The following CSGALNACT1 variants were observed in gnomAD, a reference collection of about 807,000 sequenced individuals.
The protein encoded by CSGALNACT1 is chondroitin sulfate N-acetylgalactosaminyltransferase 1, also known as beta4GalNAcT-1.
In CSGALNACT1, 52 loss-of-function variants were observed where a neutral mutation model predicts 51.0. The observed-to-expected ratio is 1.02, with a 90% confidence interval of 0.82 to 1.29. The LOEUF is 1.29. Among genes scored for constraint, CSGALNACT1 ranks in the 50% most tolerant of loss-of-function variants. The probability of loss-of-function intolerance (pLI) is 0.00; values close to 1 mark genes in which losing one functional copy is unlikely to be tolerated. For missense variants in CSGALNACT1, 935 were observed against 679.2 expected, an observed-to-expected ratio of 1.38 and a Z score of -4.19; for synonymous variants, 341 against 254.4, an observed-to-expected ratio of 1.34 and a Z score of -3.24.
chr8:19,741,934 A>C (rs1036888534), intron 1 of CSGALNACT1, among the ~76,000 whole-genome samples: 1 of 152,206 alleles, frequency 6.6e-6, no homozygotes, highest in South Asian at 2.1e-4. Flanking sequence ...AAAAAGCAAC[A>C]GACTGCCAAG....
upstream of CSGALNACT1, among the ~76,000 whole-genome samples, chr8:19,607,049 G>A (rs2051483535): frequency 6.6e-6 from 1 of 152,074 alleles, no homozygotes; most frequent in African/African-American, 2.4e-5. Flanking sequence ...CAGCTACTCT[G>A]GAGGCTGAGG....
intron 1 of CSGALNACT1, among the ~76,000 whole-genome samples, chr8:19,659,146 A>G (rs2058551635): frequency 6.6e-6 from 1 of 152,128 alleles, no homozygotes; most frequent in South Asian, 2.1e-4. Context: ...TTGATGTACC[A>G]TTAGAGGGAT....
At chr8:19,419,602 A>C (rs1464693801) in intron 7 of CSGALNACT1, among the ~76,000 whole-genome samples, 1 of 152,212 alleles carries the variant, frequency 6.6e-6, no homozygotes, top group Non-Finnish European at 1.5e-5. Context: ...TTGTGCGAAT[A>C]GCTCTTCTAC....
At position 19,694,734 on chromosome 8, in the gene CSGALNACT1, G is replaced by T. The variant is rs115564120; in HGVS notation, c.-297+63116C>A. ...AGGGCTTCTGAGCCCTTCTTTAGTT[G>T]CTCAGCTATTCCCAGTCTGCCCTTA... On this transcript the variant is annotated intron_variant, in intron 1 of 1. Coordinates refer to the CSGALNACT1 transcript ENST00000517494. Among the ~76,000 whole-genome samples, 1,325 of 152,306 alleles carry T rather than the reference G, an allele frequency of 8.7e-3. 25 individuals are homozygous for T. The highest frequency in any genetic ancestry group is 0.03 in the African/African-American group (1,266 of 41,552).
chr8:19,594,723 T>TA (rs963765580), intron 2 of CSGALNACT1, among the ~76,000 whole-genome samples: 1 of 152,038 alleles, frequency 6.6e-6, no homozygotes, highest in Non-Finnish European at 1.5e-5. Flanking sequence ...TTTTTTTTTT[T>TA]TTATTTTTAC....
intron 1 of CSGALNACT1, among the ~76,000 whole-genome samples, chr8:19,615,296 C>T (rs1279329364): frequency 3.3e-5 from 5 of 152,190 alleles, no homozygotes; most frequent in African/African-American, 1.2e-4. Context: ...AAGTGAGACT[C>T]CATCTCCATC....
intron 6 of CSGALNACT1, among the ~76,000 whole-genome samples, chr8:19,435,878 GCACACACACA>G (rs143530653): frequency 5.0e-4 from 76 of 151,638 alleles, no homozygotes; most frequent in Non-Finnish European, 9.3e-4. Context: ...TCCTTATGCA[GCACACACACA>G]CACACGCACA....
chr8:19,666,831 G>GAAAGAAAGAAAGAA (rs1554794475), intron 1 of CSGALNACT1, among the ~76,000 whole-genome samples: 2 of 24,936 alleles, frequency 8.0e-5, no homozygotes, highest in South Asian at 1.3e-3. Flanking sequence ...GAGAGAGAGA[G>GAAAGAAAGAAAGAA]AGAAAGAAAG....
intron 5 of CSGALNACT1, among the ~76,000 whole-genome samples, chr8:19,456,136 A>C (rs1586412549): frequency 1.3e-5 from 2 of 152,146 alleles, no homozygotes; most frequent in African/African-American, 4.8e-5. Flanking sequence ...GACTATTCTC[A>C]ATGAAACTTC....
chr8:19,429,991 C>T (rs1056280184), intron 6 of CSGALNACT1, among the ~76,000 whole-genome samples: 6 of 152,184 alleles, frequency 3.9e-5, no homozygotes, highest in Non-Finnish European at 7.3e-5. Flanking sequence ...TCTTGTCCTG[C>T]TGTGCTTATT....
chr8:19,575,218 C>T lies in CSGALNACT1; in HGVS notation c.-297+15942G>A, dbSNP rs1183823376. 2.6e-5 allele frequency among the ~76,000 whole-genome samples: 4 copies of T among 152,162 alleles called. No homozygotes were observed. The East Asian group carries it at 7.7e-4, about 29-fold the overall frequency. ...AACCAGGGTATCTGAAGAGGCTGAA[C>T]ATTGTGGTTTTATTTTTTCCAATAA... On this transcript the variant is annotated intron_variant, in intron 3 of 9. Coordinates refer to ENST00000454498, the Ensembl canonical transcript of CSGALNACT1.
chr8:19,651,436 C>G (rs1045301584), intron 1 of CSGALNACT1, among the ~76,000 whole-genome samples: 3 of 152,148 alleles, frequency 2.0e-5, no homozygotes, highest in Non-Finnish European at 4.4e-5. Flanking sequence ...TTCAGTTAGG[C>G]CCCAGTGTCT....
intron 3 of CSGALNACT1, among the ~76,000 whole-genome samples, chr8:19,539,221 T>A (rs2084495725): frequency 6.6e-6 from 1 of 152,198 alleles, no homozygotes; most frequent in Non-Finnish European, 1.5e-5. Context: ...ATCTACACCC[T>A]TAGCAAACTT....
Position 19,716,612 on chromosome 8 carries a change from C to CAAAAAAAAAAA in CSGALNACT1, c.-297+41227_-297+41237dup, listed in dbSNP as rs60464594. 1.2e-4 allele frequency among the ~76,000 whole-genome samples: 5 copies of CAAAAAAAAAAA among 41,992 alleles called. 2 individuals carry two copies. Among genetic ancestry groups the CAAAAAAAAAAA allele is most frequent in the East Asian group, 1.7e-3 (2 of 1,192 alleles). 27.5% of individuals were successfully genotyped at this position (41,992 alleles called of 152,430 possible). A position where few individuals can be genotyped will look rare whatever the true frequency, so the allele number is the denominator to read the frequency against. ...GGCCAACATGGTAAAACCCTCTCTA[C>CAAAAAAAAAAA]AAAAAAAAAAAAAAAAAAAAAAAAA... On this transcript the variant is annotated intron_variant, in intron 1 of 1. Transcript: ENST00000517494.
intron 1 of CSGALNACT1, among the ~76,000 whole-genome samples, chr8:19,679,505 A>G (rs1315768182): frequency 6.6e-6 from 1 of 152,154 alleles, no homozygotes; most frequent in Non-Finnish European, 1.5e-5. Flanking sequence ...AAATTCCAAC[A>G]ACTTAACCCA....
At chr8:19,430,889 T>C (rs758745840) in intron 6 of CSGALNACT1, among the ~76,000 whole-genome samples, 1 of 152,184 alleles carries the variant, frequency 6.6e-6, no homozygotes, top group African/African-American at 2.4e-5. Flanking sequence ...CAGCATAAAA[T>C]TCTTGCACTT....
chr8:19,475,408 T>G (rs185433086), intron 4 of CSGALNACT1, among the ~76,000 whole-genome samples: 1 of 152,306 alleles, frequency 6.6e-6, no homozygotes, highest in African/African-American at 2.4e-5. Flanking sequence ...AGACAATCCC[T>G]ACAGCTAAAA....
chr8:19,453,487 A>C (rs1381104853), intron 5 of CSGALNACT1, among the ~76,000 whole-genome samples: 1 of 152,238 alleles, frequency 6.6e-6, no homozygotes. Context: ...TAAAATATAT[A>C]ATTGTGTCCA....
At chr8:19,731,876 A>G (rs1303383515) in intron 1 of CSGALNACT1, among the ~76,000 whole-genome samples, 2 of 152,248 alleles carry the variant, frequency 1.3e-5, no homozygotes, top group Non-Finnish European at 2.9e-5. Flanking sequence ...AATTTAGAAC[A>G]TAAATTAAAA....
Sources: gnomAD v4.1 joint callset for allele counts (sites outside exome capture counted in the v4.1 genomes callset) on GRCh38, gnomAD v4.1.1 for gene constraint, MANE v1.5 for transcripts, NCBI Gene and HGNC (gene_info 2026-07-23, HGNC 2026-07-21) for gene names.